Variants in SUMF1 observed in about 807,000 individuals in gnomAD.
SUMF1 encodes sulfatase modifying factor 1, also known as formylglycine-generating enzyme.
SUMF1 carries 48 observed loss-of-function variants against 47.6 expected under a neutral mutation model. The observed-to-expected ratio is 1.01, with a 90% CI of 0.80 to 1.28. SUMF1 has a LOEUF of 1.28. Among genes scored for constraint, SUMF1 ranks in the 50% most tolerant of loss-of-function variants. The pLI, the probability that SUMF1 is intolerant of heterozygous loss-of-function variation, is 0.00. For synonymous variants in SUMF1, 230 were observed against 192.1 expected, an observed-to-expected ratio of 1.20 and a Z score of -1.63; for missense variants, 571 against 485.4, an observed-to-expected ratio of 1.18 and a Z score of -1.66.
intron 7 of SUMF1, among the ~76,000 whole-genome samples, chr3:4,378,600 T>C: frequency 6.6e-6 from 1 of 152,260 alleles, no homozygotes; most frequent in East Asian, 1.9e-4. Context: ...AGCAGTTTTC[T>C]TCCCAGGAAT....
At chr3:4,456,313 T>C (rs780324793) in intron 1 of SUMF1, among the ~76,000 whole-genome samples, 13 of 152,084 alleles carry the variant, frequency 8.5e-5, no homozygotes, top group Non-Finnish European at 1.9e-4. Flanking sequence ...AAGCCAAGGA[T>C]GCATACTCTT....
chr3:4,238,750 T>C (rs1265163119), intron 8 of SUMF1, among the ~76,000 whole-genome samples: 1 of 152,188 alleles, frequency 6.6e-6, no homozygotes, highest in Non-Finnish European at 1.5e-5. Flanking sequence ...TGGTAGTTTC[T>C]TTTGCTGTGC....
chr3:4,225,834 C>T (rs990551013), intron 8 of SUMF1, among the ~76,000 whole-genome samples: 1 of 152,122 alleles, frequency 6.6e-6, no homozygotes, highest in Non-Finnish European at 1.5e-5. Flanking sequence ...TAGAAAAGTA[C>T]ATCAAAATGG....
intron 8 of SUMF1, among the ~76,000 whole-genome samples, chr3:4,117,075 AT>A (rs1693439453): frequency 6.6e-6 from 1 of 152,160 alleles, no homozygotes; most frequent in South Asian, 2.1e-4. Flanking sequence ...TATTCATAAT[AT>A]TTTATAGAAG....
chr3:4,372,616 T>C (rs188333708), intron 8 of SUMF1, among the ~76,000 whole-genome samples: 12 of 152,294 alleles, frequency 7.9e-5, no homozygotes, highest in South Asian at 2.1e-4. Context: ...CAAGAACTTA[T>C]ATATGTTGGT....
At chr3:4,220,405 C>A (rs1004492167) in intron 8 of SUMF1, among the ~76,000 whole-genome samples, 2 of 152,134 alleles carry the variant, frequency 1.3e-5, no homozygotes, top group Admixed American at 1.3e-4. Flanking sequence ...AAAACTACAA[C>A]CCTCCAGGTT....
intron 8 of SUMF1, among the ~76,000 whole-genome samples, chr3:4,266,988 G>A (rs1016001139): frequency 6.6e-6 from 1 of 151,996 alleles, no homozygotes; most frequent in Non-Finnish European, 1.5e-5. Context: ...ATAATCATGT[G>A]GTTTTTGTCT....
intron 7 of SUMF1, among the ~76,000 whole-genome samples, chr3:4,392,662 GAA>G (rs1386097551): frequency 2.5e-4 from 38 of 150,200 alleles, no homozygotes; most frequent in African/African-American, 8.6e-4. Flanking sequence ...TATAAAGAGA[GAA>G]AGAGAGCGAG....
intron 9 of SUMF1, among the ~76,000 whole-genome samples, chr3:4,056,337 A>C (rs1409044991): frequency 6.6e-6 from 1 of 152,152 alleles, no homozygotes; most frequent in Non-Finnish European, 1.5e-5. Context: ...AAAAAGGTTC[A>C]TACAGTATGA....
chr3:4,402,534 G>A (rs1025304621), intron 7 of SUMF1, among the ~76,000 whole-genome samples: 1 of 152,210 alleles, frequency 6.6e-6, no homozygotes, highest in Admixed American at 6.5e-5. Flanking sequence ...TACTACAGTG[G>A]ATACTCAGGA....
intron 8 of SUMF1, among the ~76,000 whole-genome samples, chr3:4,213,206 C>A (rs888318936): frequency 6.6e-6 from 1 of 152,138 alleles, no homozygotes; most frequent in African/African-American, 2.4e-5. Context: ...AGACTAACAG[C>A]AAATCTCTCT....
chr3:4,411,690 G>C (rs577132058), intron 6 of SUMF1, among the ~76,000 whole-genome samples: 56 of 147,458 alleles, frequency 3.8e-4, no homozygotes, highest in East Asian at 5.8e-4. Context: ...TTTATAAAAG[G>C]GGGGAGAGCA....
At chr3:4,384,753 T>A (rs1194557460) in intron 7 of SUMF1, among the ~76,000 whole-genome samples, 1 of 152,206 alleles carries the variant, frequency 6.6e-6, no homozygotes, top group East Asian at 1.9e-4. Context: ...TTCGGCTGTT[T>A]CTAGTTTTTT....
At chr3:4,105,092 T>A (rs1559474333) in intron 8 of SUMF1, among the ~76,000 whole-genome samples, 2 of 152,130 alleles carry the variant, frequency 1.3e-5, no homozygotes, top group Admixed American at 6.5e-5. Flanking sequence ...GCAACATGGA[T>A]GAACCTGGAG....
chr3:4,432,095 CTTTT>C (rs1161658507), intron 3 of SUMF1, among the ~76,000 whole-genome samples: 8 of 151,950 alleles, frequency 5.3e-5, no homozygotes, highest in African/African-American at 1.9e-4. Context: ...AGATCAAGTT[CTTTT>C]TCCATCATCT....
At chr3:4,245,942 C>T (rs1027982162) in intron 8 of SUMF1, among the ~76,000 whole-genome samples, 1 of 152,044 alleles carries the variant, frequency 6.6e-6, no homozygotes, top group African/African-American at 2.4e-5. Flanking sequence ...GAGCATAGAA[C>T]TGCCTACTGA....
At position 4,316,274 on chromosome 3, in the gene SUMF1, G is replaced by T. The variant is rs764837230; in HGVS notation, c.1014+60056C>A. On this transcript the variant is annotated intron_variant and NMD_transcript_variant, in intron 8 of 12. Coordinates refer to the SUMF1 transcript ENST00000448413. Reference sequence around the variant, plus strand: ...CAATTTTCTTATTCGAGTTCAAAATGGGTCGTAAAGCAGCAGAAACAACTC... The same window carrying T: ...CAATTTTCTTATTCGAGTTCAAAATTGGTCGTAAAGCAGCAGAAACAACTC... The T allele has an allele frequency of 6.9e-6, 6 of 868,244 alleles. No individual in the cohort carries two copies. The South Asian group carries it at 8.5e-5, about 12-fold the overall frequency. 53.8% of individuals were successfully genotyped at this position (868,244 alleles called of 1,614,324 possible). A position where few individuals can be genotyped will look rare whatever the true frequency, so the allele number is the denominator to read the frequency against.
intron 8 of SUMF1, among the ~76,000 whole-genome samples, chr3:4,130,279 C>G (rs998475402): frequency 2.0e-5 from 3 of 152,146 alleles, no homozygotes; most frequent in Non-Finnish European, 4.4e-5. Context: ...TCTCCTGGTA[C>G]CTGGTATGCA....
At chr3:4,444,952 T>C (rs1702729455) in intron 3 of SUMF1, among the ~76,000 whole-genome samples, 1 of 152,094 alleles carries the variant, frequency 6.6e-6, no homozygotes, top group Admixed American at 6.6e-5. Flanking sequence ...AAAGCAAAGC[T>C]ATGAAGCCAT....
Sources: gnomAD v4.1 joint callset for allele counts (sites outside exome capture counted in the v4.1 genomes callset) on GRCh38, gnomAD v4.1.1 for gene constraint, MANE v1.5 for transcripts, NCBI Gene and HGNC (gene_info 2026-07-23, HGNC 2026-07-21) for gene names.